The following ZMYND8 variants were observed in gnomAD, a reference collection of about 807,000 sequenced individuals.
ZMYND8 encodes the protein MYND-type zinc finger-containing chromatin reader ZMYND8.
Under a neutral mutation model 140.8 loss-of-function variants are expected in ZMYND8, and 37 were observed. The ratio of observed to expected loss-of-function variants is 0.26; its 90% CI spans 0.20 to 0.35. The LOEUF (loss-of-function observed/expected upper bound fraction) is 0.35, where lower values mean the gene tolerates loss of function less well. ZMYND8 is among the 10% of genes least tolerant of loss of function. ZMYND8 has a pLI of 1.00. For missense variants in ZMYND8, 1,068 were observed against 1,570.0 expected (o/e 0.68, Z 5.40); for synonymous variants, 592 against 597.1 (o/e 0.99, Z 0.12).
At chr20:47,287,035 T>C (rs947864219) in intron 8 of ZMYND8, among the ~76,000 whole-genome samples, 194 bp downstream of exon 8, 1 of 152,222 alleles carries the variant, frequency 6.6e-6, no homozygotes, top group Non-Finnish European at 1.5e-5. Context: ...AGATCATTGC[T>C]ACAGTAAGGG....
intron 11 of ZMYND8, among the ~76,000 whole-genome samples, chr20:47,264,902 T>G (rs2075398988): frequency 6.6e-6 from 1 of 151,898 alleles, no homozygotes; most frequent in African/African-American, 2.4e-5. Flanking sequence ...CCGGGCATGG[T>G]GGCACACGCC....
At chr20:47,338,077 C>T (rs183383896) in intron 2 of ZMYND8, among the ~76,000 whole-genome samples, 3 of 152,182 alleles carry the variant, frequency 2.0e-5, no homozygotes, top group Non-Finnish European at 2.9e-5. Flanking sequence ...GAGAAAAACA[C>T]GTTGCCAGGT....
chr20:47,252,580 C>A (rs993146344), intron 12 of ZMYND8, among the ~76,000 whole-genome samples: 1 of 152,154 alleles, frequency 6.6e-6, no homozygotes, highest in Admixed American at 6.5e-5. Flanking sequence ...CTAGAATACA[C>A]AGTTAACGAA....
At position 47,210,805 on chromosome 20, in the gene ZMYND8, T is replaced by TC. The variant is rs1443003917; in HGVS notation, c.3660dup (p.Ser1221GlufsTer57). ...AGCCGAGACTCTTTCGGGAGGAGGC[T>TC]CTTCGTGCTGGTACTGGTGTTGTGA... On this transcript the variant is annotated frameshift_variant, in exon 23 of 23. Transcript: ENST00000471951. LOFTEE classifies it high-confidence loss of function. 1.2e-6 allele frequency: 2 copies of TC among 1,614,102 alleles called. No homozygotes were observed. Among genetic ancestry groups the TC allele is most frequent in the Non-Finnish European group, 1.7e-6 (2 of 1,180,008 alleles).
chr20:47,223,842 AG>A (rs2037337499), intron 19 of ZMYND8, among the ~76,000 whole-genome samples: 1 of 151,690 alleles, frequency 6.6e-6, no homozygotes, highest in Admixed American at 6.6e-5. Context: ...AAAAAAAAAA[AG>A]GATAAATTCT....
intron 2 of ZMYND8, among the ~76,000 whole-genome samples, chr20:47,329,001 C>T (rs1333630311): frequency 6.6e-6 from 1 of 152,098 alleles, no homozygotes; most frequent in Non-Finnish European, 1.5e-5. Context: ...TGCCAAGGGG[C>T]CTGGCAAAAA....
intron 2 of ZMYND8, among the ~76,000 whole-genome samples, chr20:47,331,265 T>C (rs1419211558): frequency 2.6e-5 from 4 of 152,142 alleles, no homozygotes; most frequent in Admixed American, 6.5e-5. Flanking sequence ...GTGCGGCAGA[T>C]AGAGATAGTG....
chr20:47,246,348 CTCTTTGTCCATCTGACAACCT>C lies in ZMYND8; in HGVS notation c.1923_1943del (p.Gly642_Glu648del). On this transcript the variant is annotated inframe_deletion, in exon 14 of 23. Transcript: ENST00000471951. ...TGGGCTTTTTTTTAACAGCAGATGG[CTCTTTGTCCATCTGACAACCT>C]TCTTTGTCCTCTGTGTCTTCTGGCT... 2 of 1,614,040 alleles carry C rather than the reference CTCTTTGTCCATCTGACAACCT, an allele frequency of 1.2e-6. No homozygotes were observed. Among genetic ancestry groups the C allele is most frequent in the Middle Eastern group, 1.6e-4 (1 of 6,062 alleles).
intron 10 of ZMYND8, among the ~76,000 whole-genome samples, chr20:47,278,126 A>C (rs1353833614): frequency 6.6e-6 from 1 of 152,142 alleles, no homozygotes; most frequent in Admixed American, 6.6e-5. Context: ...CACGCGCCAC[A>C]ACACACCCAG....
At chr20:47,356,578 A>T in intron 1 of ZMYND8, 79 bp downstream of exon 1, 1 of 1,613,970 alleles carries the variant, frequency 6.2e-7, no homozygotes, top group Non-Finnish European at 8.5e-7. Context: ...GGCCAGCCAC[A>T]GAGAAATCAC....
chr20:47,281,684 T>C (rs1197213227), intron 10 of ZMYND8, among the ~76,000 whole-genome samples: 2 of 152,180 alleles, frequency 1.3e-5, no homozygotes, highest in African/African-American at 4.8e-5. Context: ...CTACTCAGCA[T>C]GATGATAAGA....
intron 11 of ZMYND8, among the ~76,000 whole-genome samples, chr20:47,271,134 T>C (rs1420849386): frequency 3.3e-5 from 5 of 151,962 alleles, no homozygotes; most frequent in Non-Finnish European, 7.4e-5. Flanking sequence ...CCCATACTCC[T>C]ATGTGGCAAG....
chr20:47,308,868 A>G (rs543306093), intron 3 of ZMYND8, among the ~76,000 whole-genome samples: 195 of 152,250 alleles, frequency 1.3e-3, no homozygotes, highest in African/African-American at 4.4e-3. Context: ...GAAAGCAACA[A>G]TCTCGTTTAA....
chr20:47,282,236 G>C lies in ZMYND8; in HGVS notation c.883-19C>G, dbSNP rs772118955. ...GATTGCTCTAGGAAAAGAAAAACAAGATCCAGAGTTTGTACATATTTGACA... is the reference window on the plus strand; with the variant it reads ...GATTGCTCTAGGAAAAGAAAAACAACATCCAGAGTTTGTACATATTTGACA... On this transcript the variant is annotated intron_variant, in intron 9 of 22. Coordinates refer to ENST00000471951, the MANE Select transcript of ZMYND8 (RefSeq NM_001281775.3). 3.7e-6 allele frequency: 6 copies of C among 1,604,700 alleles called. No homozygotes were observed. In the East Asian group the frequency reaches 1.3e-4, roughly 36 times the overall value.
At chr20:47,313,301 G>A (rs1289333220) in intron 2 of ZMYND8, among the ~76,000 whole-genome samples, 3 of 151,682 alleles carry the variant, frequency 2.0e-5, no homozygotes, top group Non-Finnish European at 2.9e-5. Context: ...GCAACATGGT[G>A]AAACCCCGCA....
At position 47,282,449 on chromosome 20, in the gene ZMYND8, G is replaced by A. The variant is rs113178614; in HGVS notation, c.883-232C>T. The stretch of plus-strand genomic sequence containing the variant: ...AAATCAAAAGCTGAATGAAGTCCAG[G>A]CATGGTGGCTCACGCCTGTAATCCC... On this transcript the variant is annotated intron_variant, in intron 9 of 22. Transcript: ENST00000471951. 3.3e-5 allele frequency among the ~76,000 whole-genome samples: 5 copies of A among 152,346 alleles called. 1 individual carries two copies. Among genetic ancestry groups the A allele is most frequent in the African/African-American group, 1.2e-4 (5 of 41,578 alleles).
Position 47,220,245 on chromosome 20 carries a change from G to A in ZMYND8, c.3484+13C>T. On this transcript the variant is annotated intron_variant, in intron 21 of 22. Transcript: ENST00000471951. ...ATGTGAAAGCACCGTTCGCCCACCAGGGGGCAACATACCAGAGCCTTGGTT... is the reference window on the plus strand; with the variant it reads ...ATGTGAAAGCACCGTTCGCCCACCAAGGGGCAACATACCAGAGCCTTGGTT... The A allele has an allele frequency of 6.4e-7, 1 of 1,555,536 alleles. No homozygotes were observed. Among genetic ancestry groups the A allele is most frequent in the Non-Finnish European group, 8.7e-7 (1 of 1,148,280 alleles).
rs192548942 is a variant in ZMYND8, at chr20:47,339,640, C to A, written c.85+8216G>T. Among the ~76,000 whole-genome samples the A allele has an allele frequency of 1.2e-3, 186 of 151,944 alleles. 2 individuals carry two copies. The highest frequency in any genetic ancestry group is 4.3e-3 in the African/African-American group (180 of 41,446). On this transcript the variant is annotated intron_variant, in intron 2 of 22. Coordinates refer to ENST00000471951, the MANE Select transcript of ZMYND8 (RefSeq NM_001281775.3). ...TACAGGCACCCGCGACCACGCCTGG[C>A]TAATTTTTTGTATTTTTAGTAGAGA... is the stretch of plus-strand genomic sequence containing the variant.
At chr20:47,282,668 T>C (rs1272307020) in intron 9 of ZMYND8, among the ~76,000 whole-genome samples, 2 of 149,162 alleles carry the variant, frequency 1.3e-5, no homozygotes, top group Non-Finnish European at 3.0e-5. Flanking sequence ...GAGGTTGCAG[T>C]GAGTCAAATC....
Sources: gnomAD v4.1 joint callset for allele counts (sites outside exome capture counted in the v4.1 genomes callset) on GRCh38, gnomAD v4.1.1 for gene constraint, MANE v1.5 for transcripts, NCBI Gene and HGNC (gene_info 2026-07-23, HGNC 2026-07-21) for gene names.